Variants in TNKS observed in about 807,000 individuals in gnomAD.
TNKS encodes tankyrase.
TNKS carries 72 observed loss-of-function variants against 135.8 expected under a neutral mutation model. The observed-to-expected ratio is 0.53, with a 90% confidence interval of 0.44 to 0.64. The LOEUF (loss-of-function observed/expected upper bound fraction) is 0.64. Among genes scored for constraint, TNKS ranks in the 30% least tolerant of loss-of-function variants. The pLI, the probability that TNKS is intolerant of heterozygous loss-of-function variation, is 0.00. For synonymous variants in TNKS, 849 were observed against 649.3 expected, an observed-to-expected ratio of 1.31 and a Z score of -4.68; for missense variants, 1,769 against 1,674.0, an observed-to-expected ratio of 1.06 and a Z score of -0.99.
intron 2 of TNKS, among the ~76,000 whole-genome samples, chr8:9,610,721 C>G (rs561174394): frequency 4.2e-4 from 64 of 152,236 alleles, no homozygotes; most frequent in African/African-American, 1.4e-3. Context: ...GTAAAAACTT[C>G]CTAAAACATC....
chr8:9,612,687 C>T (rs188593860), intron 2 of TNKS, among the ~76,000 whole-genome samples: 22 of 152,240 alleles, frequency 1.4e-4, no homozygotes, highest in Non-Finnish European at 2.5e-4. Context: ...GCTGCTTTCA[C>T]ACTATAATGG....
intron 1 of TNKS, among the ~76,000 whole-genome samples, chr8:9,576,387 A>T (rs929133933): frequency 2.0e-5 from 3 of 151,976 alleles, no homozygotes; most frequent in Non-Finnish European, 4.4e-5. Flanking sequence ...ATTTACAATC[A>T]TGGCAGAAGG....
rs557069238 is a variant in TNKS, at chr8:9,658,398, C to T, written c.995-21553C>T. 5.0e-4 allele frequency: 662 copies of T among 1,318,070 alleles called. 7 individuals are homozygous for T. In the African/African-American group the frequency reaches 7.4e-3, roughly 15 times the overall value. 81.6% of individuals were successfully genotyped at this position (1,318,070 alleles called of 1,614,324 possible). A position where few individuals can be genotyped will look rare whatever the true frequency, so the allele number is the denominator to read the frequency against. On this transcript the variant is annotated intron_variant, in intron 3 of 26. Coordinates refer to ENST00000310430, the MANE Select transcript of TNKS (RefSeq NM_003747.3). Reference sequence around the variant, plus strand: ...CAAAGACTGAGACAGCTCCGCTGCCCGCTGAACTCCATCCTCCCGGCGGTC... The same window carrying T: ...CAAAGACTGAGACAGCTCCGCTGCCTGCTGAACTCCATCCTCCCGGCGGTC...
At chr8:9,597,992 A>G (rs185262465) in intron 2 of TNKS, among the ~76,000 whole-genome samples, 1 of 152,306 alleles carries the variant, frequency 6.6e-6, no homozygotes, top group East Asian at 1.9e-4. Context: ...TAACTTTCCT[A>G]AGGAATGAGA....
At chr8:9,772,217 A>G (rs948291942) in intron 26 of TNKS, among the ~76,000 whole-genome samples, 4 of 151,470 alleles carry the variant, frequency 2.6e-5, no homozygotes, top group Non-Finnish European at 5.9e-5. Context: ...AAGGAGAAGA[A>G]TATTTGCGTG....
intron 26 of TNKS, among the ~76,000 whole-genome samples, chr8:9,773,371 A>G (rs1306379174): frequency 2.0e-5 from 3 of 152,174 alleles, no homozygotes; most frequent in Non-Finnish European, 4.4e-5. Context: ...GCATAAGAAT[A>G]TGGTTATCAC....
rs35560389 is a variant in TNKS at position 9,556,758 on chromosome 8, T to C, written c.673+146T>C. On this transcript the variant is annotated intron_variant, in intron 1 of 26. Coordinates refer to ENST00000310430, the MANE Select transcript of TNKS (RefSeq NM_003747.3). Reference sequence around the variant, plus strand: ...CTCACCAGAAGACTGGAGGTTCCTTTCTTTTGGTGGTGCCTGGGTGATGGG... The same window carrying C: ...CTCACCAGAAGACTGGAGGTTCCTTCCTTTTGGTGGTGCCTGGGTGATGGG... 6.2e-4 allele frequency: 485 copies of C among 783,246 alleles called. 3 individuals carry two copies. The East Asian group carries it at 0.015, about 24-fold the overall frequency. The allele number at this position is 783,246 out of a possible 1,614,324, so 48.5% of individuals were successfully genotyped here.
intron 20 of TNKS, among the ~76,000 whole-genome samples, chr8:9,758,391 AT>A (rs1806958198): frequency 6.6e-6 from 1 of 151,768 alleles, no homozygotes; most frequent in Non-Finnish European, 1.5e-5. Flanking sequence ...CCTAATAAAC[AT>A]TTTCTTTTGT....
At position 9,670,504 on chromosome 8, in the gene TNKS, T is replaced by C. The variant is rs1385978311; in HGVS notation, c.995-9447T>C. Among the ~76,000 whole-genome samples, 5 of 152,352 alleles carry C rather than the reference T, an allele frequency of 3.3e-5. No individual in the cohort carries two copies. The South Asian group carries it at 8.3e-4, about 25-fold the overall frequency. On this transcript the variant is annotated intron_variant, in intron 3 of 26. Coordinates refer to ENST00000310430, the MANE Select transcript of TNKS (RefSeq NM_003747.3). Reference sequence around the variant, plus strand: ...AGCTTTATTGTGTAGTTTCTTCTTATTTTAAATACCTAGTAAAATAGAGTA... The same window carrying C: ...AGCTTTATTGTGTAGTTTCTTCTTACTTTAAATACCTAGTAAAATAGAGTA...
intron 8 of TNKS, among the ~76,000 whole-genome samples, chr8:9,707,704 T>C (rs779904089): frequency 1.3e-5 from 2 of 152,214 alleles, no homozygotes; most frequent in Admixed American, 6.5e-5. Context: ...TTAATTTAGA[T>C]ACAGCTTTTC....
rs1815266817 is a variant in TNKS, at chr8:9,556,000, G to A, written c.61G>A (p.Ala21Thr). 2 of 1,613,158 alleles carry A rather than the reference G, an allele frequency of 1.2e-6. No homozygotes were observed. The highest frequency in any genetic ancestry group is 1.7e-6 in the Non-Finnish European group (2 of 1,179,834). The change falls in exon 1 of 27, where the codon GCC becomes ACC. Residue 21 changes from alanine (A) to threonine (T), a missense_variant. Coordinates refer to ENST00000310430, the MANE Select transcript of TNKS (RefSeq NM_003747.3). The stretch of plus-strand genomic sequence containing the variant: ...CCATCATCAACAACAGCTCCAGCCC[G>A]CCCCAGGGGCTTCAGCGCCGCCGCC... ...HHHHQQQLQPAPGASAPPPPP... is the reference protein window; with the variant it reads ...HHHHQQQLQPTPGASAPPPPP...
intron 2 of TNKS, among the ~76,000 whole-genome samples, chr8:9,580,974 C>G (rs1397772740): frequency 6.6e-6 from 1 of 152,124 alleles, no homozygotes; most frequent in African/African-American, 2.4e-5. Flanking sequence ...TCACATTTTG[C>G]TTTGCTGTAT....
In TNKS at chr8:9,692,813, A is replaced by G. The variant is rs10465001; in HGVS notation, c.1108-11850A>G. 3.5e-4 allele frequency among the ~76,000 whole-genome samples: 54 copies of G among 152,364 alleles called. No individual in the cohort carries two copies. The East Asian group carries it at 7.9e-3, about 22-fold the overall frequency. On this transcript the variant is annotated intron_variant, in intron 5 of 26. Coordinates refer to ENST00000310430, the MANE Select transcript of TNKS (RefSeq NM_003747.3). The stretch of plus-strand genomic sequence containing the variant: ...GTGTTCCAAAAGTTAAGTAACTTCA[A>G]TGAGAGTGCCTGATCTTCATTATGG...
chr8:9,616,995 T>G (rs947116886), intron 3 of TNKS, among the ~76,000 whole-genome samples: 2 of 152,234 alleles, frequency 1.3e-5, no homozygotes, highest in African/African-American at 2.4e-5. Context: ...AGGTTATAAA[T>G]GCTGAGCAAG....
chr8:9,708,292 C>T lies in TNKS; in HGVS notation c.1457-79C>T, dbSNP rs996265575. ...GAGAAATTCATAAAATAATAATATT[C>T]CTACTTATTTATAATCATGCTGAAG... On this transcript the variant is annotated intron_variant, in intron 8 of 26. Coordinates refer to ENST00000310430, the MANE Select transcript of TNKS (RefSeq NM_003747.3). 5.9e-6 allele frequency: 7 copies of T among 1,192,368 alleles called. No homozygotes were observed. In the African/African-American group the frequency reaches 7.9e-5, roughly 13 times the overall value. The allele number at this position is 1,192,368 out of a possible 1,614,324, so 73.9% of individuals were successfully genotyped here. A position where few individuals can be genotyped will look rare whatever the true frequency, so the allele number is the denominator to read the frequency against.
chr8:9,734,801 T>C (rs894090739), intron 15 of TNKS, 64 bp from the exon 16 acceptor site: 1 of 1,348,724 alleles, frequency 7.4e-7, no homozygotes, highest in South Asian at 1.4e-5. Context: ...ATTAATTACC[T>C]ACCTACCTAC....
chr8:9,695,349 G>A (rs4240631), intron 5 of TNKS, among the ~76,000 whole-genome samples: 108,142 of 152,104 alleles, frequency 0.71, 38,639 homozygotes, highest in Admixed American at 0.78. Context: ...TTTTGTTACT[G>A]ACTTAATTTT....
intron 20 of TNKS, among the ~76,000 whole-genome samples, chr8:9,754,427 T>C (rs1720827185): frequency 6.6e-6 from 1 of 152,222 alleles, no homozygotes; most frequent in African/African-American, 2.4e-5. Flanking sequence ...TCTAGGCTTA[T>C]AGTCAGTTTG....
chr8:9,663,903 C>A (rs531664708), intron 3 of TNKS, among the ~76,000 whole-genome samples: 1 of 152,278 alleles, frequency 6.6e-6, no homozygotes, highest in South Asian at 2.1e-4. Flanking sequence ...TCAACCCTGT[C>A]CCTTGGGGTT....
Sources: allele counts gnomAD v4.1 joint callset (sites outside exome capture counted in the v4.1 genomes callset), GRCh38; gene constraint gnomAD v4.1.1; transcripts MANE v1.5; gene names NCBI Gene and HGNC (gene_info 2026-07-23, HGNC 2026-07-21).